Variants in TRAPPC13 observed in about 807,000 individuals in gnomAD.
TRAPPC13 encodes trafficking protein particle complex subunit 13.
TRAPPC13 carries 39 observed loss-of-function variants against 54.0 expected under a neutral mutation model. That is an observed-to-expected ratio of 0.72 (90% CI 0.56 to 0.94). The LOEUF is 0.94. Ranked by LOEUF, TRAPPC13 falls within the 40% of genes least tolerant of loss-of-function variation. The pLI, the probability that TRAPPC13 is intolerant of heterozygous loss-of-function variation, is 0.00. For synonymous variants in TRAPPC13, 148 were observed against 167.7 expected (o/e 0.88, Z 0.91); for missense variants, 386 against 488.1 (o/e 0.79, Z 1.97).
chr5:65,649,373 G>GT (rs1323978797), intron 5 of TRAPPC13, among the ~76,000 whole-genome samples: 1 of 152,150 alleles, frequency 6.6e-6, no homozygotes, highest in East Asian at 1.9e-4. Context: ...ATTTGAAGTG[G>GT]TTTTACTATG....
At chr5:65,639,629 T>C (rs1755891999) in intron 4 of TRAPPC13, among the ~76,000 whole-genome samples, 1 of 152,196 alleles carries the variant, frequency 6.6e-6, no homozygotes, top group Non-Finnish European at 1.5e-5. Context: ...CACTCCAGCA[T>C]GGGCTACAGA....
At position 65,664,776 on chromosome 5, in the gene TRAPPC13, A is replaced by G; in HGVS notation, c.*165A>G. 1 of 613,432 alleles carries G rather than the reference A, an allele frequency of 1.6e-6. No individual in the cohort carries two copies. Among genetic ancestry groups the G allele is most frequent in the South Asian group, 2.0e-5 (1 of 50,842 alleles). The allele number at this position is 613,432 out of a possible 1,614,324, so 38.0% of individuals were successfully genotyped here. A position where few individuals can be genotyped will look rare whatever the true frequency, so the allele number is the denominator to read the frequency against. On this transcript the variant is annotated 3_prime_UTR_variant, in exon 13 of 13. Transcript: ENST00000399438. ...ATTTGTTTTGAAGAGATCTGATTTT[A>G]TCTTGTAATTTATATTTGAAATGAA...
In TRAPPC13 at chr5:65,647,216, T is replaced by G. The variant is rs754826487; in HGVS notation, c.428+34T>G. On this transcript the variant is annotated intron_variant, in intron 5 of 12. Coordinates refer to ENST00000399438, the MANE Select transcript of TRAPPC13 (RefSeq NM_024941.4). ...TAATTTTATTAGTTCTCAAAGGTTT[T>G]TACTTATATATGCCTTTGTTTGAAA... The G allele has an allele frequency of 2.6e-6, 4 of 1,547,782 alleles. No individual in the cohort carries two copies. The African/African-American group carries it at 5.5e-5, about 21-fold the overall frequency.
chr5:65,633,904 AT>A (rs145450696), intron 1 of TRAPPC13, among the ~76,000 whole-genome samples: 39 of 125,898 alleles, frequency 3.1e-4, no homozygotes, highest in South Asian at 8.0e-4. Context: ...TTGCTAATTG[AT>A]TTTTTTAACT....
chr5:65,647,136 ATT>A lies in TRAPPC13; in HGVS notation c.383_384del (p.Ile128ArgfsTer2). On this transcript the variant is annotated frameshift_variant, in exon 5 of 13. Transcript: ENST00000399438. LOFTEE classifies it high-confidence loss of function. ...GGCTGAACTTAAACCGGATTGTTGT[ATT>A]GATGATGTCATACATCATGAAGTCA... ...AVAELKPDCC[I>X]DDVIHHEVKE... The A allele has an allele frequency of 6.3e-7, 1 of 1,578,476 alleles. No individual in the cohort carries two copies. The highest frequency in any genetic ancestry group is 2.3e-5 in the East Asian group (1 of 44,000).
Position 65,661,033 on chromosome 5 carries a change from T to G in TRAPPC13, c.897+136T>G, listed in dbSNP as rs1160476189. On this transcript the variant is annotated intron_variant, in intron 10 of 12. Coordinates refer to ENST00000399438, the MANE Select transcript of TRAPPC13 (RefSeq NM_024941.4). ...ATTACTACTACTGGAGCAGAAAAGA[T>G]TAATAGTGTCACTGATAGGTAGGTC... is the stretch of plus-strand genomic sequence containing the variant. 6.1e-6 allele frequency: 4 copies of G among 659,518 alleles called. 1 individual carries two copies. The highest frequency in any genetic ancestry group is 1.0e-5 in the Non-Finnish European group (4 of 395,702). 40.9% of individuals were successfully genotyped at this position (659,518 alleles called of 1,614,324 possible).
intron 1 of TRAPPC13, among the ~76,000 whole-genome samples, chr5:65,632,342 C>T (rs1045568401): frequency 5.3e-5 from 8 of 152,094 alleles, no homozygotes; most frequent in Admixed American, 5.2e-4. Flanking sequence ...GTTTTCAGGG[C>T]ACCTTTTTCT....
chr5:65,659,813 T>A (rs1164872008), intron 9 of TRAPPC13, among the ~76,000 whole-genome samples: 3 of 151,852 alleles, frequency 2.0e-5, no homozygotes, highest in Non-Finnish European at 4.4e-5. Flanking sequence ...GCATTTTTTT[T>A]ATTTAGCTGG....
intron 4 of TRAPPC13, 69 bp from the exon 5 acceptor site, chr5:65,646,986 T>C (rs907098722): frequency 3.6e-6 from 5 of 1,395,924 alleles, no homozygotes; most frequent in Non-Finnish European, 4.8e-6. Flanking sequence ...TTTCCACTCA[T>C]AGCCATGCAC....
rs373669536 is a variant in TRAPPC13 at position 65,637,747 on chromosome 5, T to C, written c.267T>C (p.Asp89=). The C allele has an allele frequency of 7.0e-5, 110 of 1,575,924 alleles. No homozygotes were observed. Among genetic ancestry groups the C allele is most frequent in the Non-Finnish European group, 8.9e-5 (103 of 1,157,708 alleles). ...TFSSYISVHN[D]SNQVVKDILV... is the part of the protein sequence containing the mutation. The stretch of plus-strand genomic sequence containing the variant: ...CCAGTTATATCAGCGTTCATAATGA[T>C]AGCAATCAAGTTGTAAAAGACATAT... Residue 89 remains aspartate, a synonymous_variant, in exon 4 of 13, where the codon GAT becomes GAC. Transcript: ENST00000399438.
chr5:65,659,535 G>C (rs980711079), intron 9 of TRAPPC13, among the ~76,000 whole-genome samples: 8 of 152,124 alleles, frequency 5.3e-5, no homozygotes, highest in African/African-American at 1.9e-4. Flanking sequence ...GAGTAAGGGT[G>C]AATGTGGGTT....
Position 65,665,941 on chromosome 5 carries a change from G to GCAT in TRAPPC13, c.*1334_*1336dup, listed in dbSNP as rs1757023767. On this transcript the variant is annotated 3_prime_UTR_variant, in exon 13 of 13. Transcript: ENST00000399438. ...CAAATACAAAAATTGGTTTTTCAATGCATCATTATTTATTGCCATAACAAA... is the reference window on the plus strand; with the variant it reads ...CAAATACAAAAATTGGTTTTTCAATGCATCATCATTATTTATTGCCATAACAAA... The GCAT allele has an allele frequency of 6.6e-6, 1 of 152,530 alleles. No individual in the cohort carries two copies. Among genetic ancestry groups the GCAT allele is most frequent in the South Asian group, 2.1e-4 (1 of 4,834 alleles). The allele number at this position is 152,530 out of a possible 1,614,324, so 9.4% of individuals were successfully genotyped here. A position where few individuals can be genotyped will look rare whatever the true frequency, so the allele number is the denominator to read the frequency against.
chr5:65,630,546 T>A, intron 1 of TRAPPC13: 1 of 1,243,636 alleles, frequency 8.0e-7, no homozygotes, highest in Non-Finnish European at 1.0e-6. Flanking sequence ...AATTTGAAGG[T>A]AAAAATGTTC....
intron 11 of TRAPPC13, chr5:65,663,318 T>G (rs1011022941): frequency 3.3e-5 from 5 of 152,262 alleles, no homozygotes; most frequent in African/African-American, 1.2e-4. Flanking sequence ...TGTCATTCCC[T>G]GCCCCTACAC....
At chr5:65,654,375 T>C (rs1164822967) in intron 7 of TRAPPC13, among the ~76,000 whole-genome samples, 2 of 152,204 alleles carry the variant, frequency 1.3e-5, no homozygotes, top group Non-Finnish European at 1.5e-5. Context: ...TGACATAATC[T>C]TTAAATCTTG....
chr5:65,636,737 C>A (rs1035960396), intron 3 of TRAPPC13, among the ~76,000 whole-genome samples: 1 of 152,094 alleles, frequency 6.6e-6, no homozygotes, highest in Non-Finnish European at 1.5e-5. Context: ...AAATTTATTT[C>A]TTCTGTTATC....
intron 7 of TRAPPC13, among the ~76,000 whole-genome samples, chr5:65,653,340 T>C (rs1008218242): frequency 6.6e-6 from 1 of 152,136 alleles, no homozygotes; most frequent in Non-Finnish European, 1.5e-5. Flanking sequence ...ATATCTCTGC[T>C]ACTCTAAAAC....
At chr5:65,653,628 A>G (rs529570439) in intron 7 of TRAPPC13, among the ~76,000 whole-genome samples, 11 of 152,326 alleles carry the variant, frequency 7.2e-5, no homozygotes, top group Admixed American at 5.2e-4. Flanking sequence ...AAGAAGCTTT[A>G]TGGAAGAGAA....
intron 5 of TRAPPC13, among the ~76,000 whole-genome samples, chr5:65,647,632 G>A (rs1174482746): frequency 1.3e-5 from 2 of 151,904 alleles, no homozygotes; most frequent in African/African-American, 2.4e-5. Context: ...ATCAAATTCT[G>A]TATTCCTGCC....
Sources: allele counts gnomAD v4.1 joint callset (sites outside exome capture counted in the v4.1 genomes callset), GRCh38; gene constraint gnomAD v4.1.1; transcripts MANE v1.5; gene names NCBI Gene and HGNC (gene_info 2026-07-23, HGNC 2026-07-21).